DCBLD1: variants seen among roughly 807,000 people sequenced by gnomAD.
DCBLD1 encodes the protein discoidin, CUB and LCCL domain-containing protein 1.
Under a neutral mutation model 71.5 loss-of-function variants are expected in DCBLD1, and 57 were observed. The ratio of observed to expected loss-of-function variants is 0.80; its 90% confidence interval spans 0.64 to 0.99. The LOEUF is 0.99. Ranked by LOEUF, DCBLD1 falls within the 50% of genes least tolerant of loss-of-function variation. DCBLD1 has a pLI of 0.00. For synonymous variants in DCBLD1, 380 were observed against 363.8 expected (o/e 1.04, Z -0.51); for missense variants, 891 against 923.5 (o/e 0.96, Z 0.46).
At chr6:117,490,118 CA>C (rs1359461497) in intron 1 of DCBLD1, among the ~76,000 whole-genome samples, 1 of 148,394 alleles carries the variant, frequency 6.7e-6, no homozygotes, top group African/African-American at 2.5e-5. Flanking sequence ...CACACACACA[CA>C]CACACCCCTA....
chr6:117,486,690 C>CT (rs1439916306), intron 1 of DCBLD1, among the ~76,000 whole-genome samples: 1 of 152,222 alleles, frequency 6.6e-6, no homozygotes, highest in Non-Finnish European at 1.5e-5. Flanking sequence ...ATGTTGTCCT[C>CT]TCAGGGAGAA....
Position 117,522,312 on chromosome 6 carries a change from T to A in DCBLD1, c.512+736T>A, listed in dbSNP as rs144051525. ...GCATCCCTGGCCTCTATGTCCTAGA[T>A]GTCAGTTGTGATAACCAAGAATGTC... On this transcript the variant is annotated intron_variant, in intron 4 of 14. Transcript: ENST00000338728. 5.9e-5 allele frequency among the ~76,000 whole-genome samples: 9 copies of A among 152,322 alleles called. No homozygotes were observed. The East Asian group carries it at 1.7e-3, about 29-fold the overall frequency.
chr6:117,545,861 C>T (rs1779250503), intron 14 of DCBLD1, among the ~76,000 whole-genome samples: 6 of 152,140 alleles, frequency 3.9e-5, no homozygotes, highest in Admixed American at 3.9e-4. Flanking sequence ...TATCTGGAAG[C>T]CCTGAATCTA....
intron 6 of DCBLD1, among the ~76,000 whole-genome samples, chr6:117,534,114 A>T (rs1292853125): frequency 6.6e-6 from 1 of 152,198 alleles, no homozygotes; most frequent in Non-Finnish European, 1.5e-5. Flanking sequence ...ATGAGAGGAC[A>T]CAAAGTATTC....
chr6:117,551,482 C>T (rs1779427072), downstream of DCBLD1, among the ~76,000 whole-genome samples: 1 of 152,062 alleles, frequency 6.6e-6, no homozygotes, highest in Non-Finnish European at 1.5e-5. Context: ...CAGGTTCATG[C>T]CATTCTGCTG....
chr6:117,559,393 A>G (rs138859776), intron 14 of DCBLD1, among the ~76,000 whole-genome samples: 77 of 152,332 alleles, frequency 5.1e-4, no homozygotes, highest in African/African-American at 1.8e-3. Flanking sequence ...TGTAATCCTA[A>G]GGGAGTTTGG....
At chr6:117,503,663 A>G (rs1332073924) in intron 1 of DCBLD1, 104 bp from the exon 2 acceptor site, 1 of 1,302,116 alleles carries the variant, frequency 7.7e-7, no homozygotes, top group African/African-American at 1.5e-5. Context: ...CTTCTGCCCA[A>G]AAACAATAAA....
At chr6:117,520,665 T>TGA (rs1255630372) in intron 3 of DCBLD1, among the ~76,000 whole-genome samples, 1 of 152,108 alleles carries the variant, frequency 6.6e-6, no homozygotes, top group Non-Finnish European at 1.5e-5. Context: ...CGAACACTGA[T>TGA]GAGAGAGAGA....
chr6:117,563,378 T>A (rs1433719709), intron 14 of DCBLD1: 4 of 1,612,798 alleles, frequency 2.5e-6, no homozygotes, highest in Non-Finnish European at 2.5e-6. Flanking sequence ...TGCCTTCTTA[T>A]TAAATCCTGA....
chr6:117,518,798 C>G (rs1013106526), intron 2 of DCBLD1, among the ~76,000 whole-genome samples: 3 of 152,172 alleles, frequency 2.0e-5, no homozygotes, highest in African/African-American at 7.2e-5. Flanking sequence ...CCAGGTCCCT[C>G]CCACAACACA....
chr6:117,553,099 G>A (rs1779452699), downstream of DCBLD1, among the ~76,000 whole-genome samples: 1 of 152,170 alleles, frequency 6.6e-6, no homozygotes, highest in Non-Finnish European at 1.5e-5. Flanking sequence ...TTCACACTGT[G>A]GCTGTTACAA....
intron 14 of DCBLD1, chr6:117,560,760 T>A (rs997144803): frequency 1.9e-5 from 4 of 207,630 alleles, no homozygotes; most frequent in African/African-American, 9.1e-5. Flanking sequence ...CACGCACACA[T>A]ACAACCCTCA....
At chr6:117,501,693 G>A (rs1198993558) in intron 1 of DCBLD1, among the ~76,000 whole-genome samples, 3 of 152,144 alleles carry the variant, frequency 2.0e-5, no homozygotes, top group Admixed American at 1.3e-4. Context: ...CTTTAAAGCC[G>A]ACAAATAATT....
rs1325577351 is a variant in DCBLD1, at chr6:117,525,391, T to C, written c.542T>C (p.Val181Ala). 2 of 1,519,308 alleles carry C rather than the reference T, an allele frequency of 1.3e-6. No homozygotes were observed. The highest frequency in any genetic ancestry group is 1.8e-6 in the Non-Finnish European group (2 of 1,133,672). 94.1% of individuals were successfully genotyped at this position (1,519,308 alleles called of 1,614,324 possible). Residue 181 changes from valine to alanine, a missense_variant, in exon 5 of 15, where the codon GTA (valine) becomes GCA (alanine). By Grantham distance (64) the Val-to-Ala change is moderately conservative (BLOSUM62 0). Coordinates refer to ENST00000338728, the MANE Select transcript of DCBLD1 (RefSeq NM_001366458.2). The part of the protein sequence containing the change: ...SKFCPAGCRD[V>A]AGDISGNMVD... ...TTCTGCCCAGCTGGTTGTAGAGACG[T>C]AGCAGGAGACATTTCTGGGAATATG...
chr6:117,502,212 C>T (rs1252226543), intron 1 of DCBLD1, among the ~76,000 whole-genome samples: 1 of 152,180 alleles, frequency 6.6e-6, no homozygotes, highest in Non-Finnish European at 1.5e-5. Flanking sequence ...TTGTTGCCTA[C>T]CATGTAAATT....
At chr6:117,482,946 T>G in intron 1 of DCBLD1, 53 bp downstream of exon 1, 2 of 1,135,066 alleles carry the variant, frequency 1.8e-6, no homozygotes, top group Non-Finnish European at 2.2e-6. Context: ...AGGGGCGGGC[T>G]GAGGGCTGCG....
intron 4 of DCBLD1, among the ~76,000 whole-genome samples, chr6:117,522,817 A>T (rs1349470993): frequency 2.0e-5 from 3 of 152,186 alleles, no homozygotes; most frequent in Admixed American, 6.5e-5. Context: ...CATGTCTGCA[A>T]GGAAGGTTCT....
chr6:117,569,669 C>A, exon 15 of DCBLD1: 1 of 1,611,312 alleles, frequency 6.2e-7, no homozygotes, highest in African/African-American at 1.3e-5. Context: ...CAGCCCTCCG[C>A]ATCTATCAGC....
chr6:117,504,285 A>G (rs1372163760), intron 2 of DCBLD1, among the ~76,000 whole-genome samples: 1 of 152,200 alleles, frequency 6.6e-6, no homozygotes, highest in Non-Finnish European at 1.5e-5. Flanking sequence ...TATTCATTTG[A>G]CAAATATTTA....
Sources: allele counts gnomAD v4.1 joint callset (sites outside exome capture counted in the v4.1 genomes callset), GRCh38; gene constraint gnomAD v4.1.1; transcripts MANE v1.5; gene names NCBI Gene and HGNC (gene_info 2026-07-23, HGNC 2026-07-21).